Variants in DCLK1 observed in about 807,000 individuals in gnomAD.
DCLK1 encodes serine/threonine-protein kinase DCLK1.
DCLK1 carries 16 observed loss-of-function variants against 86.2 expected under a neutral mutation model. The observed-to-expected ratio is 0.19, with a 90% CI of 0.13 to 0.28. The LOEUF (loss-of-function observed/expected upper bound fraction) is 0.28. Ranked by LOEUF, DCLK1 falls within the 10% of genes least tolerant of loss-of-function variation. DCLK1 has a pLI of 1.00. For synonymous variants in DCLK1, 369 were observed against 370.5 expected, an observed-to-expected ratio of 1.00 and a Z score of 0.05; for missense variants, 590 against 940.2, an observed-to-expected ratio of 0.63 and a Z score of 4.87.
At chr13:35,980,534 A>C (rs1172083693) in intron 3 of DCLK1, among the ~76,000 whole-genome samples, 1 of 152,158 alleles carries the variant, frequency 6.6e-6, no homozygotes, top group Non-Finnish European at 1.5e-5. Context: ...TCATGGTAGC[A>C]AAAGTAGAAG....
In DCLK1 at chr13:36,040,645, T is replaced by C. The variant is rs1015676203; in HGVS notation, c.723+71224A>G. 1.8e-4 allele frequency among the ~76,000 whole-genome samples: 28 copies of C among 152,030 alleles called. 1 individual carries two copies. The stretch of plus-strand genomic sequence containing the variant: ...ACTGTACTCTTTGGAATGAAGTCTC[T>C]ATGTGCAACTCACATTTTAAGGAGT... On this transcript the variant is annotated intron_variant, in intron 3 of 16. Coordinates refer to ENST00000360631, the MANE Select transcript of DCLK1 (RefSeq NM_001330071.2).
intron 3 of DCLK1, among the ~76,000 whole-genome samples, chr13:36,058,531 T>C (rs546036863): frequency 1.5e-4 from 23 of 152,240 alleles, no homozygotes; most frequent in African/African-American, 5.5e-4. Flanking sequence ...CAATTCTAGA[T>C]ATAGGCTGAG....
At chr13:35,931,962 A>G (rs1188296125) in intron 4 of DCLK1, among the ~76,000 whole-genome samples, 2 of 152,160 alleles carry the variant, frequency 1.3e-5, no homozygotes, top group Non-Finnish European at 2.9e-5. Flanking sequence ...TCTGTTACCC[A>G]CTGGGTATGT....
chr13:35,957,585 G>C (rs992239064), intron 3 of DCLK1, among the ~76,000 whole-genome samples: 4 of 152,140 alleles, frequency 2.6e-5, no homozygotes, highest in African/African-American at 9.7e-5. Context: ...ATATATTTGA[G>C]AGCTAAAAAC....
At chr13:36,128,921 G>A in intron 1 of DCLK1, among the ~76,000 whole-genome samples, 1 of 152,146 alleles carries the variant, frequency 6.6e-6, no homozygotes, top group East Asian at 1.9e-4. Flanking sequence ...GTTTTAAAGT[G>A]AGCTCTCTTG....
In DCLK1 at chr13:35,774,479, A is replaced by C. The variant is rs376910686; in HGVS notation, c.*56T>G. ...AAACTGTTTTACACAAATTTGGGGG[A>C]AAAAAATCTCAGAGTCTCAAAGGGT... On this transcript the variant is annotated 3_prime_UTR_variant, in exon 17 of 17. Transcript: ENST00000360631. 24 of 1,536,778 alleles carry C rather than the reference A, an allele frequency of 1.6e-5. No homozygotes were observed. Among genetic ancestry groups the C allele is most frequent in the South Asian group, 4.8e-5 (4 of 83,416 alleles).
chr13:35,898,504 C>A (rs1255717506), intron 4 of DCLK1, among the ~76,000 whole-genome samples: 1 of 152,166 alleles, frequency 6.6e-6, no homozygotes, highest in Non-Finnish European at 1.5e-5. Context: ...TAATGAGAAT[C>A]AAAATTGGCT....
chr13:35,830,161 G>A (rs7995719), intron 8 of DCLK1, among the ~76,000 whole-genome samples: 31,616 of 151,928 alleles, frequency 0.21, 3,419 homozygotes, highest in Admixed American at 0.3. Context: ...CAAGGTGGGC[G>A]GATCACTTGA....
intron 4 of DCLK1, among the ~76,000 whole-genome samples, chr13:35,930,981 C>G (rs1876400631): frequency 6.6e-6 from 1 of 152,164 alleles, no homozygotes; most frequent in Non-Finnish European, 1.5e-5. Context: ...TAAATAAACT[C>G]TTTAACATTT....
chr13:36,023,148 T>C (rs555545089), intron 3 of DCLK1, among the ~76,000 whole-genome samples: 1 of 152,294 alleles, frequency 6.6e-6, no homozygotes, highest in Non-Finnish European at 1.5e-5. Flanking sequence ...TAGATATCTG[T>C]AGGGAGAGAT....
At chr13:35,966,585 G>A (rs529837376) in intron 3 of DCLK1, among the ~76,000 whole-genome samples, 54 of 140,918 alleles carry the variant, frequency 3.8e-4, no homozygotes, top group Middle Eastern at 7.4e-3. Flanking sequence ...CCGCCATCTC[G>A]ACTCACTGCA....
At chr13:35,805,579 G>T in intron 15 of DCLK1, 120 bp downstream of exon 15, 2 of 995,502 alleles carry the variant, frequency 2.0e-6, no homozygotes, top group Non-Finnish European at 3.0e-6. Context: ...GATTACAGGC[G>T]TGAGACACTG....
chr13:36,025,196 G>C (rs1881981350), intron 3 of DCLK1, among the ~76,000 whole-genome samples: 1 of 152,070 alleles, frequency 6.6e-6, no homozygotes, highest in South Asian at 2.1e-4. Flanking sequence ...TTGAACTCCT[G>C]ACCTCAGGTG....
chr13:35,897,398 C>T (rs998008022), intron 4 of DCLK1, among the ~76,000 whole-genome samples: 1 of 151,962 alleles, frequency 6.6e-6, no homozygotes, highest in Non-Finnish European at 1.5e-5. Flanking sequence ...GAATGGAAGG[C>T]GGGAACCAGG....
intron 16 of DCLK1, chr13:35,788,331 A>T: frequency 1.3e-6 from 2 of 1,577,988 alleles, no homozygotes; most frequent in East Asian, 4.5e-5. Flanking sequence ...GCATTGTGCT[A>T]AAGAATTAAG....
chr13:36,108,237 C>T (rs762354360), intron 3 of DCLK1, among the ~76,000 whole-genome samples: 19 of 152,092 alleles, frequency 1.2e-4, no homozygotes, highest in Non-Finnish European at 2.8e-4. Flanking sequence ...GCTTCAGTGC[C>T]CCTGAATAAA....
At chr13:36,073,066 T>C (rs190422834) in intron 3 of DCLK1, among the ~76,000 whole-genome samples, 3 of 152,312 alleles carry the variant, frequency 2.0e-5, no homozygotes, top group Admixed American at 1.3e-4. Context: ...TTACAGCTAC[T>C]ACTTTTTAAA....
chr13:36,014,067 C>G (rs947967442), intron 3 of DCLK1, among the ~76,000 whole-genome samples: 2 of 152,220 alleles, frequency 1.3e-5, no homozygotes, highest in Admixed American at 6.5e-5. Flanking sequence ...TGCTTCGGCT[C>G]GCGCACGGTG....
intron 3 of DCLK1, among the ~76,000 whole-genome samples, chr13:36,014,810 G>A (rs1881466969): frequency 6.6e-6 from 1 of 152,140 alleles, no homozygotes; most frequent in Non-Finnish European, 1.5e-5. Context: ...TTAAACTTAA[G>A]CTATAGACTC....
Sources: gnomAD v4.1 joint callset for allele counts (sites outside exome capture counted in the v4.1 genomes callset) on GRCh38, gnomAD v4.1.1 for gene constraint, MANE v1.5 for transcripts, NCBI Gene and HGNC (gene_info 2026-07-23, HGNC 2026-07-21) for gene names.